The following AGO2 variants were observed in gnomAD, a reference collection of about 807,000 sequenced individuals.
The protein encoded by AGO2 is protein argonaute-2.
In AGO2, 5 loss-of-function variants were observed where a neutral mutation model predicts 102.3. The observed-to-expected ratio is 0.05, with a 90% CI of 0.03 to 0.10. The LOEUF (loss-of-function observed/expected upper bound fraction) is 0.10. Ranked by LOEUF, AGO2 falls within the 10% of genes least tolerant of loss-of-function variation. The probability of loss-of-function intolerance (pLI) is 1.00; values close to 1 mark genes in which losing one functional copy is unlikely to be tolerated. For synonymous variants in AGO2, 449 were observed against 473.1 expected (o/e 0.95, Z 0.66); for missense variants, 541 against 1,183.7 (o/e 0.46, Z 7.97).
chr8:140,580,012 T>A (rs916922548), intron 2 of AGO2, among the ~76,000 whole-genome samples: 23 of 152,078 alleles, frequency 1.5e-4, no homozygotes, highest in Non-Finnish European at 2.9e-4. Context: ...GGAGCCCACC[T>A]CCTCCTCGCA....
chr8:140,629,145 C>T lies in AGO2; in HGVS notation c.22+6340G>A, dbSNP rs368387133. Among the ~76,000 whole-genome samples the T allele has an allele frequency of 1.2e-4, 18 of 152,176 alleles. No individual in the cohort carries two copies. The South Asian group carries it at 2.9e-3, about 25-fold the overall frequency. On this transcript the variant is annotated intron_variant, in intron 1 of 18. Coordinates refer to ENST00000220592, the MANE Select transcript of AGO2 (RefSeq NM_012154.5). ...AAAAATTCTAAAAACTAATAATAAA[C>T]GCGCGACTCTGGGGCCACGGACTTT...
rs561137697 is a variant in AGO2 at position 140,616,955 on chromosome 8, G to A, written c.22+18530C>T. On this transcript the variant is annotated intron_variant, in intron 1 of 18. Coordinates refer to ENST00000220592, the MANE Select transcript of AGO2 (RefSeq NM_012154.5). ...AGGCAGCCTGTCCATCCCTGGCCCCGCTCTCCACCCCCGCGCACCCTCCAC... is the reference window on the plus strand; with the variant it reads ...AGGCAGCCTGTCCATCCCTGGCCCCACTCTCCACCCCCGCGCACCCTCCAC... 1.1e-4 allele frequency among the ~76,000 whole-genome samples: 17 copies of A among 152,304 alleles called. No homozygotes were observed. The East Asian group carries it at 1.7e-3, about 16-fold the overall frequency.
At chr8:140,574,447 G>C (rs59469663) in intron 2 of AGO2, among the ~76,000 whole-genome samples, 5,156 of 152,066 alleles carry the variant, frequency 0.034, 192 homozygotes, top group East Asian at 0.099. Flanking sequence ...TTTTTTTGTA[G>C]AGATGGGGCC....
At chr8:140,615,047 G>A (rs948415752) in intron 1 of AGO2, among the ~76,000 whole-genome samples, 1 of 152,140 alleles carries the variant, frequency 6.6e-6, no homozygotes, top group Admixed American at 6.5e-5. Flanking sequence ...TGTTTTATGA[G>A]TCCTGATTTG....
chr8:140,627,509 A>G (rs1241970929), intron 1 of AGO2, among the ~76,000 whole-genome samples: 1 of 152,226 alleles, frequency 6.6e-6, no homozygotes, highest in Non-Finnish European at 1.5e-5. Flanking sequence ...AATGACGTGG[A>G]AAACAACAAC....
rs779427604 is a variant in AGO2, at chr8:140,531,706, T to C, written c.*338A>G. 7 of 198,034 alleles carry C rather than the reference T, an allele frequency of 3.5e-5. No individual in the cohort carries two copies. The highest frequency in any genetic ancestry group is 6.4e-5 in the Non-Finnish European group (6 of 94,064). 12.3% of individuals were successfully genotyped at this position (198,034 alleles called of 1,614,324 possible). On this transcript the variant is annotated 3_prime_UTR_variant, in exon 19 of 19. Transcript: ENST00000220592. ...GAATCATGTATTAAAAACAAGTAAA[T>C]TGAATGACCAAATAAATTAAAAATG...
intron 2 of AGO2, 29 bp downstream of exon 2, chr8:140,585,090 C>T: frequency 1.3e-6 from 2 of 1,599,904 alleles, no homozygotes; most frequent in African/African-American, 1.3e-5. Flanking sequence ...AGACCACTTA[C>T]ACAGGTCATG....
At chr8:140,596,159 A>AT (rs953446243) in intron 1 of AGO2, among the ~76,000 whole-genome samples, 8 of 150,826 alleles carry the variant, frequency 5.3e-5, no homozygotes, top group African/African-American at 2.0e-4. Flanking sequence ...GTGCTTCTGT[A>AT]TTTTTTAAGT....
rs141060285 is a variant in AGO2, at chr8:140,545,854, T to C, written c.1749-1551A>G. Reference sequence around the variant, plus strand: ...CACGGAGCCAGAGGTGGCCACACTGTCGGGTGCCTCCGACGGCCCCAGCTC... The same window carrying C: ...CACGGAGCCAGAGGTGGCCACACTGCCGGGTGCCTCCGACGGCCCCAGCTC... On this transcript the variant is annotated intron_variant, in intron 13 of 18. Transcript: ENST00000220592. 5.9e-5 allele frequency among the ~76,000 whole-genome samples: 9 copies of C among 152,310 alleles called. No individual in the cohort carries two copies. In the East Asian group the frequency reaches 1.7e-3, roughly 29 times the overall value.
intron 6 of AGO2, among the ~76,000 whole-genome samples, chr8:140,559,027 G>A (rs535185558): frequency 1.3e-5 from 2 of 152,254 alleles, no homozygotes; most frequent in African/African-American, 4.8e-5. Flanking sequence ...AGGCTGACTG[G>A]GTACAGACAC....
At chr8:140,533,704 G>C (rs998076382) in intron 17 of AGO2, among the ~76,000 whole-genome samples, 43 of 151,988 alleles carry the variant, frequency 2.8e-4, no homozygotes, top group African/African-American at 1.0e-3. Context: ...CTACCCAGGA[G>C]GCTGAGGCAT....
intron 14 of AGO2, among the ~76,000 whole-genome samples, chr8:140,542,727 G>A (rs1364641133): frequency 6.6e-6 from 1 of 152,242 alleles, no homozygotes; most frequent in Admixed American, 6.5e-5. Context: ...GCTTTCCCCA[G>A]CTGCAGGACC....
chr8:140,562,709 G>C, intron 3 of AGO2, 75 bp from the exon 4 acceptor site: 1 of 1,539,094 alleles, frequency 6.5e-7, no homozygotes, highest in Non-Finnish European at 8.8e-7. Flanking sequence ...GCAGTGGTTG[G>C]CTTCCAGACA....
chr8:140,563,527 T>C (rs563233336), intron 3 of AGO2, among the ~76,000 whole-genome samples: 1 of 152,320 alleles, frequency 6.6e-6, no homozygotes, highest in South Asian at 2.1e-4. Flanking sequence ...TGAGCCATTG[T>C]GCCTGGCCGA....
chr8:140,537,907 C>T (rs1463016801), intron 16 of AGO2, among the ~76,000 whole-genome samples: 1 of 152,188 alleles, frequency 6.6e-6, no homozygotes, highest in African/African-American at 2.4e-5. Context: ...CAACCTCTGC[C>T]TCCCAGGTTT....
intron 1 of AGO2, among the ~76,000 whole-genome samples, chr8:140,599,924 G>A (rs2073908067): frequency 1.3e-5 from 2 of 152,216 alleles, no homozygotes; most frequent in African/African-American, 2.4e-5. Flanking sequence ...GTTTCACCGT[G>A]TTGGCCAAGC....
In AGO2 at chr8:140,521,317, A is replaced by AT. The variant is rs1233014666; in HGVS notation, c.*10726dup. The AT allele has an allele frequency of 1.3e-5, 2 of 152,216 alleles. No homozygotes were observed. Among genetic ancestry groups the AT allele is most frequent in the Admixed American group, 6.5e-5 (1 of 15,282 alleles). The allele number at this position is 152,216 out of a possible 1,614,324, so 9.4% of individuals were successfully genotyped here. A position where few individuals can be genotyped will look rare whatever the true frequency, so the allele number is the denominator to read the frequency against. On this transcript the variant is annotated 3_prime_UTR_variant, in exon 19 of 19. Coordinates refer to ENST00000220592, the MANE Select transcript of AGO2 (RefSeq NM_012154.5). ...TGATGGAAGTTAGAAAATTAAAAAC[A>AT]TTTAAGTAGAATCATCTCTCTCTCT...
chr8:140,619,119 C>T (rs2074181314), intron 1 of AGO2, among the ~76,000 whole-genome samples: 1 of 152,070 alleles, frequency 6.6e-6, no homozygotes, highest in Non-Finnish European at 1.5e-5. Context: ...CAGACAGAGG[C>T]TGCCATGGAA....
At chr8:140,534,790 A>T (rs1428423956) in intron 17 of AGO2, among the ~76,000 whole-genome samples, 1 of 152,218 alleles carries the variant, frequency 6.6e-6, no homozygotes, top group East Asian at 1.9e-4. Context: ...GCAGGCAGGG[A>T]CGGCACGTGA....
Sources: allele counts gnomAD v4.1 joint callset (sites outside exome capture counted in the v4.1 genomes callset), GRCh38; gene constraint gnomAD v4.1.1; transcripts MANE v1.5; gene names NCBI Gene and HGNC (gene_info 2026-07-23, HGNC 2026-07-21).